Variants in CCDC178 observed in about 807,000 individuals in gnomAD.
CCDC178 encodes the protein coiled-coil domain-containing protein 178.
Under a neutral mutation model 117.4 loss-of-function variants are expected in CCDC178, and 126 were observed. That is an observed-to-expected ratio of 1.07 (90% CI 0.93 to 1.24). The LOEUF is 1.24. Ranked by LOEUF, CCDC178 falls within the 50% of genes most tolerant of loss-of-function variation. The pLI, the probability that CCDC178 is intolerant of heterozygous loss-of-function variation, is 0.00. For synonymous variants in CCDC178, 283 were observed against 313.4 expected (o/e 0.90, Z 1.02); for missense variants, 1,030 against 986.9 (o/e 1.04, Z -0.59).
intron 12 of CCDC178, among the ~76,000 whole-genome samples, chr18:33,281,117 A>AATAAT (rs1463010708): frequency 1.6e-5 from 2 of 124,912 alleles, no homozygotes; most frequent in African/African-American, 5.6e-5. Context: ...ATAATAATAA[A>AATAAT]GAAACACACA....
At chr18:33,276,841 G>C (rs1006044785) in intron 12 of CCDC178, among the ~76,000 whole-genome samples, 80 of 152,180 alleles carry the variant, frequency 5.3e-4, no homozygotes, top group African/African-American at 1.8e-3. Context: ...CTGTATTATA[G>C]ATAATGAGAG....
At chr18:33,286,196 C>T (rs755037595) in intron 12 of CCDC178, among the ~76,000 whole-genome samples, 2 of 151,926 alleles carry the variant, frequency 1.3e-5, no homozygotes, top group African/African-American at 2.4e-5. Context: ...AGGCTGGTCT[C>T]GAACTCCTGA....
intron 20 of CCDC178, among the ~76,000 whole-genome samples, chr18:33,148,396 C>A (rs548477669): frequency 6.6e-6 from 1 of 151,632 alleles, no homozygotes; most frequent in African/African-American, 2.4e-5. Context: ...TTCGGCTCGG[C>A]ATCAGAGGGA....
At chr18:33,091,288 T>C (rs1413537815) in intron 21 of CCDC178, among the ~76,000 whole-genome samples, 2 of 146,458 alleles carry the variant, frequency 1.4e-5, no homozygotes, top group Non-Finnish European at 3.0e-5. Context: ...CAGATAGTTG[T>C]ATTATCAATT....
intron 5 of CCDC178, among the ~76,000 whole-genome samples, chr18:33,386,633 A>AT (rs1431058408): frequency 6.6e-6 from 1 of 152,208 alleles, no homozygotes; most frequent in Non-Finnish European, 1.5e-5. Flanking sequence ...GATTATCTCA[A>AT]TAGATGCAGA....
Position 33,055,571 on chromosome 18 carries a change from G to A in CCDC178, c.2388+37190C>T, listed in dbSNP as rs114555409. 6.9e-3 allele frequency among the ~76,000 whole-genome samples: 1,052 copies of A among 151,970 alleles called. 12 individuals carry two copies. The highest frequency in any genetic ancestry group is 0.02 in the African/African-American group (841 of 41,472). The stretch of plus-strand genomic sequence containing the variant: ...TTCGAACTTCTGGGCTCAAGCAATC[G>A]TCCTGACTCAGTCTCCCAAAGTGCT... On this transcript the variant is annotated intron_variant, in intron 21 of 22. Coordinates refer to ENST00000383096, the MANE Select transcript of CCDC178 (RefSeq NM_001105528.4).
At chr18:33,414,871 C>A (rs1226821293) in intron 2 of CCDC178, among the ~76,000 whole-genome samples, 1 of 152,100 alleles carries the variant, frequency 6.6e-6, no homozygotes, top group African/African-American at 2.4e-5. Flanking sequence ...ACAAACAACC[C>A]CATCAACAAG....
intron 21 of CCDC178, among the ~76,000 whole-genome samples, chr18:33,006,505 T>C (rs1364188342): frequency 1.3e-5 from 2 of 152,148 alleles, no homozygotes; most frequent in African/African-American, 4.8e-5. Flanking sequence ...AAATCAAGTA[T>C]TGTATGTGTA....
chr18:33,093,030 T>TC, intron 20 of CCDC178, 120 bp from the exon 21 acceptor site: 1 of 536,694 alleles, frequency 1.9e-6, no homozygotes, highest in South Asian at 5.2e-5. Flanking sequence ...CTATTATGTA[T>TC]AGTAGAAAAA....
At chr18:33,022,267 G>C (rs1330248462) in intron 21 of CCDC178, among the ~76,000 whole-genome samples, 3 of 152,028 alleles carry the variant, frequency 2.0e-5, no homozygotes, top group Admixed American at 2.0e-4. Context: ...CTCAGTTACA[G>C]AAAGGAAATG....
rs749640351 is a variant in CCDC178, at chr18:32,985,800, G to A, written c.2389-11119C>T. Among the ~76,000 whole-genome samples, 3 of 152,018 alleles carry A rather than the reference G, an allele frequency of 2.0e-5. No homozygotes were observed. The South Asian group carries it at 6.2e-4, about 31-fold the overall frequency. On this transcript the variant is annotated intron_variant, in intron 21 of 22. Coordinates refer to ENST00000383096, the MANE Select transcript of CCDC178 (RefSeq NM_001105528.4). ...ACTCTGGAAATTTATTATGGTAGCA[G>A]TAGAAGGAAGGATCACTGGATATTT...
intron 5 of CCDC178, among the ~76,000 whole-genome samples, chr18:33,389,037 T>A (rs1397248292): frequency 2.0e-5 from 3 of 152,038 alleles, no homozygotes; most frequent in Non-Finnish European, 4.4e-5. Flanking sequence ...TAATGCATGT[T>A]GGGCTTAATA....
chr18:33,433,124 G>T (rs781270358), intron 2 of CCDC178, among the ~76,000 whole-genome samples: 1 of 152,150 alleles, frequency 6.6e-6, no homozygotes, highest in Admixed American at 6.5e-5. Context: ...TGGATAACGT[G>T]AGGGGAGTAT....
chr18:33,172,085 A>G (rs1312891842), intron 20 of CCDC178, among the ~76,000 whole-genome samples: 1 of 152,020 alleles, frequency 6.6e-6, no homozygotes, highest in Non-Finnish European at 1.5e-5. Flanking sequence ...TAATTTTTGT[A>G]TTTTAGTAGA....
chr18:33,047,121 T>C (rs901894096), intron 21 of CCDC178, among the ~76,000 whole-genome samples: 1 of 152,188 alleles, frequency 6.6e-6, no homozygotes, highest in Non-Finnish European at 1.5e-5. Flanking sequence ...CCTGTGTTTA[T>C]GCTACTTTAA....
chr18:33,209,654 C>A (rs553423182), intron 20 of CCDC178, among the ~76,000 whole-genome samples: 1 of 152,120 alleles, frequency 6.6e-6, no homozygotes, highest in African/African-American at 2.4e-5. Context: ...TGATCATAAT[C>A]ATAAATAAAT....
intron 21 of CCDC178, 49 bp downstream of exon 21, chr18:33,092,712 G>A (rs2145074172): frequency 4.5e-6 from 6 of 1,338,746 alleles, no homozygotes; most frequent in Non-Finnish European, 6.2e-6. Flanking sequence ...CTTTTGTAGT[G>A]CATATATGAC....
intron 21 of CCDC178, among the ~76,000 whole-genome samples, chr18:33,064,946 G>C (rs532948970): frequency 1.3e-5 from 2 of 151,804 alleles, no homozygotes; most frequent in East Asian, 3.9e-4. Context: ...GACATGGATT[G>C]AACTGGAGGA....
At chr18:33,347,568 T>C (rs1323257778) in intron 8 of CCDC178, among the ~76,000 whole-genome samples, 1 of 152,170 alleles carries the variant, frequency 6.6e-6, no homozygotes, top group African/African-American at 2.4e-5. Flanking sequence ...ACATCTTGGA[T>C]ACTTTAAAAT....
Sources: gnomAD v4.1 joint callset for allele counts (sites outside exome capture counted in the v4.1 genomes callset) on GRCh38, gnomAD v4.1.1 for gene constraint, MANE v1.5 for transcripts, NCBI Gene and HGNC (gene_info 2026-07-23, HGNC 2026-07-21) for gene names.